Variants in FBXL15 observed in about 807,000 individuals in gnomAD.
The protein encoded by FBXL15 is F-box and leucine rich repeat protein 15.
FBXL15 carries 19 observed loss-of-function variants against 23.6 expected under a neutral mutation model. The observed-to-expected ratio is 0.81, with a 90% CI of 0.56 to 1.18. FBXL15 has a LOEUF of 1.18. Ranked by LOEUF, FBXL15 falls within the 50% of genes most tolerant of loss-of-function variation. FBXL15 has a pLI of 0.00. For missense variants in FBXL15, 385 were observed against 425.4 expected, an observed-to-expected ratio of 0.91 and a Z score of 0.83; for synonymous variants, 224 against 207.7, an observed-to-expected ratio of 1.08 and a Z score of -0.67.
At chr10:102,421,578 A>G (rs1435678214) in intron 2 of FBXL15, 71 bp downstream of exon 2, 1 of 1,434,994 alleles carries the variant, frequency 7.0e-7, no homozygotes, top group Non-Finnish European at 9.1e-7. Flanking sequence ...CCAGCCCCGC[A>G]GTATGCCCTT....
At chr10:102,421,677 GTC>G in intron 2 of FBXL15, 108 bp from the exon 3 acceptor site, 1 of 1,441,156 alleles carries the variant, frequency 6.9e-7, no homozygotes, top group East Asian at 2.5e-5. Flanking sequence ...GGAAAGTGGG[GTC>G]TCTCCTGGGA....
chr10:102,421,765 T>TG (rs1352564084), intron 2 of FBXL15, 22 bp from the exon 3 acceptor site: 1 of 1,534,394 alleles, frequency 6.5e-7, no homozygotes, highest in Non-Finnish European at 8.7e-7. Context: ...GGCTGAGAGT[T>TG]GGGGTGCCTC....
intron 3 of FBXL15, among the ~76,000 whole-genome samples, chr10:102,422,504 G>T (rs754995219): frequency 1.2e-4 from 18 of 152,218 alleles, no homozygotes; most frequent in Non-Finnish European, 1.9e-4. Context: ...CACATTGGGA[G>T]ATTTCACATA....
Position 102,421,525 on chromosome 10 carries a change from G to A in FBXL15, c.207+18G>A. ...CCGCGCAGGTGAGCCGGGGGCTGAA[G>A]CCCCGCCCCTGCCTGGGTACCGCCC... On this transcript the variant is annotated intron_variant, in intron 2 of 3. Coordinates refer to ENST00000369956, the MANE Select transcript of FBXL15 (RefSeq NM_024326.4). 1 of 1,451,160 alleles carries A rather than the reference G, an allele frequency of 6.9e-7. No individual in the cohort carries two copies. The highest frequency in any genetic ancestry group is 9.0e-7 in the Non-Finnish European group (1 of 1,105,194). 89.9% of individuals were successfully genotyped at this position (1,451,160 alleles called of 1,614,324 possible). A position where few individuals can be genotyped will look rare whatever the true frequency, so the allele number is the denominator to read the frequency against.
At position 102,421,823 on chromosome 10, in the gene FBXL15, C is replaced by T; in HGVS notation, c.244C>T (p.Leu82=). Residue 82 remains leucine, a synonymous_variant, in exon 3 of 4, where the codon CTG becomes TTG. Transcript: ENST00000369956. ...GATCCCGCGGGCCGCATTGGCCCGGCTGCTGCGGGATGCCGAGGGGCTGCA... is the reference window on the plus strand; with the variant it reads ...GATCCCGCGGGCCGCATTGGCCCGGTTGCTGCGGGATGCCGAGGGGCTGCA... ...PQIPRAALAR[L]LRDAEGLQEL... 1.3e-6 allele frequency: 2 copies of T among 1,573,970 alleles called. No individual in the cohort carries two copies.
At position 102,422,915 on chromosome 10, in the gene FBXL15, G is replaced by A. The variant is rs1338922978; in HGVS notation, c.825G>A (p.Val275=). ...RLRKRGVDID[V]EPPLHQALVL... is the part of the protein sequence containing the mutation. Reference sequence around the variant, plus strand: ...GGAAGCGCGGCGTGGACATCGACGTGGAGCCGCCGCTGCACCAGGCCCTGG... The same window carrying A: ...GGAAGCGCGGCGTGGACATCGACGTAGAGCCGCCGCTGCACCAGGCCCTGG... The change falls in exon 4 of 4, where the codon GTG becomes GTA. Residue 275 remains valine, a synonymous_variant. Coordinates refer to ENST00000369956, the MANE Select transcript of FBXL15 (RefSeq NM_024326.4). 1.9e-6 allele frequency: 3 copies of A among 1,607,672 alleles called. No homozygotes were observed. The East Asian group carries it at 6.7e-5, about 36-fold the overall frequency.
chr10:102,421,757 C>G, intron 2 of FBXL15, 30 bp from the exon 3 acceptor site: 1 of 1,529,594 alleles, frequency 6.5e-7, no homozygotes, highest in Non-Finnish European at 8.7e-7. Context: ...GCGGGACGGG[C>G]TGAGAGTTGG....
rs903971591 is a variant in FBXL15 at position 102,422,823 on chromosome 10, C to T, written c.733C>T (p.Pro245Ser). ...CCTCAGGACATTGGCCGAGTACTGC[C>T]CCGTGCTGCGTTCGCTGCGGGTGCG... ...DGVRTLAEYC[P>S]VLRSLRVRHC... Residue 245 changes from proline (P) to serine (S), a missense_variant, in exon 4 of 4, where the codon CCC becomes TCC. Pro to Ser is a moderately conservative substitution (Grantham distance 74, BLOSUM62 -1). Transcript: ENST00000369956. 3.1e-6 allele frequency: 5 copies of T among 1,606,796 alleles called. No homozygotes were observed. The highest frequency in any genetic ancestry group is 1.1e-5 in the South Asian group (1 of 90,836).
At chr10:102,421,311 T>C (rs753967930) in intron 1 of FBXL15, 43 bp from the exon 2 acceptor site, 37 of 1,555,958 alleles carry the variant, frequency 2.4e-5, no homozygotes, top group Non-Finnish European at 3.1e-5. Context: ...TCGCAGGTAA[T>C]AGTGGCCCCG....
In FBXL15 at chr10:102,422,260, C is replaced by T; in HGVS notation, c.681C>T (p.Thr227=). 7 of 1,494,182 alleles carry T rather than the reference C, an allele frequency of 4.7e-6. No individual in the cohort carries two copies. The highest frequency in any genetic ancestry group is 6.2e-6 in the Non-Finnish European group (7 of 1,122,590). The allele number at this position is 1,494,182 out of a possible 1,614,324, so 92.6% of individuals were successfully genotyped here. Residue 227 remains threonine (T), a synonymous_variant, in exon 3 of 4, where the codon ACC becomes ACT. Transcript: ENST00000369956. The part of the protein sequence containing the change: ...NCPELHHLDL[T]GCLRVGSDGV... Reference sequence around the variant, plus strand: ...CAGAACTCCACCACCTTGACCTCACCGGCTGCCTCCGCGTCGGAAGCGACG... The same window carrying T: ...CAGAACTCCACCACCTTGACCTCACTGGCTGCCTCCGCGTCGGAAGCGACG...
At position 102,421,775 on chromosome 10, in the gene FBXL15, C is replaced by T. The variant is rs759267860; in HGVS notation, c.208-12C>T. 2.6e-6 allele frequency: 4 copies of T among 1,539,062 alleles called. No homozygotes were observed. The highest frequency in any genetic ancestry group is 2.4e-5 in the South Asian group (2 of 83,920). ...GGACGGGCTGAGAGTTGGGGTGCCT[C>T]CCCGCCCGCAGGTGGGTCCGCAGAT... On this transcript the variant is annotated splice_polypyrimidine_tract_variant and intron_variant, in intron 2 of 3. Transcript: ENST00000369956.
Position 102,420,887 on chromosome 10 carries a change from C to A in FBXL15, c.-243C>A. On this transcript the variant is annotated 5_prime_UTR_variant, in exon 1 of 4. Transcript: ENST00000369956. Reference sequence around the variant, plus strand: ...GGACGACAGAAGCCAGTCTCTGATGCCCACCGCATTCTCCAGCTTCAGGCC... The same window carrying A: ...GGACGACAGAAGCCAGTCTCTGATGACCACCGCATTCTCCAGCTTCAGGCC... 1 of 1,393,872 alleles carries A rather than the reference C, an allele frequency of 7.2e-7. No individual in the cohort carries two copies. The highest frequency in any genetic ancestry group is 1.5e-5 in the South Asian group (1 of 66,126). 86.3% of individuals were successfully genotyped at this position (1,393,872 alleles called of 1,614,324 possible).
chr10:102,421,271 C>T, intron 1 of FBXL15, 83 bp from the exon 2 acceptor site: 1 of 1,567,204 alleles, frequency 6.4e-7, no homozygotes, highest in Middle Eastern at 1.7e-4. Context: ...CTCTTGGGAG[C>T]TGGGGCGCAG....
chr10:102,421,594 C>G, intron 2 of FBXL15, 87 bp downstream of exon 2: 1 of 1,426,374 alleles, frequency 7.0e-7, no homozygotes, highest in East Asian at 2.5e-5. Context: ...CCCTTCTGGA[C>G]CCCCTTGGGC....
At position 102,421,016 on chromosome 10, in the gene FBXL15, G is replaced by C. The variant is rs1046760244; in HGVS notation, c.-114G>C. On this transcript the variant is annotated 5_prime_UTR_variant, in exon 1 of 4. Coordinates refer to ENST00000369956, the MANE Select transcript of FBXL15 (RefSeq NM_024326.4). ...AAAGCTTTCAGATCGGATCCTCGGT[G>C]AGACGGCACTCGATTAAATAGGTCT... The C allele has an allele frequency of 4.1e-5, 63 of 1,546,676 alleles. No homozygotes were observed. Among genetic ancestry groups the C allele is most frequent in the Non-Finnish European group, 4.9e-5 (56 of 1,144,676 alleles).
In FBXL15 at chr10:102,423,085, GGCCAGT is replaced by G; in HGVS notation, c.*96_*101del. 1 of 1,324,124 alleles carries G rather than the reference GGCCAGT, an allele frequency of 7.6e-7. No individual in the cohort carries two copies. Among genetic ancestry groups the G allele is most frequent in the Non-Finnish European group, 1.0e-6 (1 of 980,048 alleles). 82.0% of individuals were successfully genotyped at this position (1,324,124 alleles called of 1,614,324 possible). ...TGAACTGTGAGGACCTCTGGTGAGA[GGCCAGT>G]GCCCTGCCCCACCCTGGAGCTTCAA... On this transcript the variant is annotated 3_prime_UTR_variant, in exon 4 of 4. Transcript: ENST00000369956. The surrounding 1 kb of genome is among the most constrained non-coding windows in gnomAD (Gnocchi z 5.6).
At chr10:102,421,273 G>A in intron 1 of FBXL15, 81 bp from the exon 2 acceptor site, 1 of 1,568,306 alleles carries the variant, frequency 6.4e-7, no homozygotes, top group Non-Finnish European at 8.6e-7. Context: ...CTTGGGAGCT[G>A]GGGCGCAGGA....
intron 2 of FBXL15, 78 bp from the exon 3 acceptor site, chr10:102,421,704 CAGAAA>C: frequency 6.8e-7 from 1 of 1,474,914 alleles, no homozygotes; most frequent in Non-Finnish European, 9.0e-7. Context: ...AGGAGGCTGC[CAGAAA>C]AGAACTCAGG....
At chr10:102,421,249 G>C (rs111522958) in intron 1 of FBXL15, 67 bp downstream of exon 1, 40,121 of 1,580,070 alleles carry the variant, frequency 0.025, 1,202 homozygotes, top group African/African-American at 0.14. Context: ...CCGGGGCTGG[G>C]TCTGGGGGCC....
Sources: allele counts gnomAD v4.1 joint callset (sites outside exome capture counted in the v4.1 genomes callset), GRCh38; gene constraint gnomAD v4.1.1; non-coding constraint Gnocchi (gnomAD v3.1); transcripts MANE v1.5; gene names NCBI Gene and HGNC (gene_info 2026-07-23, HGNC 2026-07-21).